Variants in BCL2L1 observed in about 807,000 individuals in gnomAD.
BCL2L1 encodes bcl-2-like protein 1.
BCL2L1 carries 1 observed loss-of-function variant against 18.7 expected under a neutral mutation model. The ratio of observed to expected loss-of-function variants is 0.05; its 90% CI spans 0.02 to 0.25. The LOEUF (loss-of-function observed/expected upper bound fraction) is 0.25. BCL2L1 is among the 10% of genes least tolerant of loss of function. The pLI, the probability that BCL2L1 is intolerant of heterozygous loss-of-function variation, is 1.00. For missense variants in BCL2L1, 207 were observed against 304.9 expected (o/e 0.68, Z 2.39); for synonymous variants, 103 against 122.7 (o/e 0.84, Z 1.06).
chr20:31,718,412 T>C (rs947441700), intron 2 of BCL2L1, among the ~76,000 whole-genome samples: 1 of 152,156 alleles, frequency 6.6e-6, no homozygotes, highest in Admixed American at 6.5e-5. Flanking sequence ...TCCCAGCATT[T>C]TGGGAGGCTG....
intron 2 of BCL2L1, among the ~76,000 whole-genome samples, chr20:31,698,535 C>T (rs1322580558): frequency 6.6e-6 from 1 of 151,796 alleles, no homozygotes; most frequent in South Asian, 2.1e-4. Flanking sequence ...TGGACCCAGT[C>T]GATTTTCCTT....
rs1021494448 is a variant in BCL2L1, at chr20:31,722,787, G to A, written c.-300C>T. 1 of 152,224 alleles carries A rather than the reference G, an allele frequency of 6.6e-6. No individual in the cohort carries two copies. The highest frequency in any genetic ancestry group is 2.4e-5 in the African/African-American group (1 of 41,450). The allele number at this position is 152,224 out of a possible 1,614,324, so 9.4% of individuals were successfully genotyped here. A position where few individuals can be genotyped will look rare whatever the true frequency, so the allele number is the denominator to read the frequency against. On this transcript the variant is annotated 5_prime_UTR_variant, in exon 1 of 3. Coordinates refer to ENST00000307677, the MANE Select transcript of BCL2L1 (RefSeq NM_138578.3). ...AGGGATCATGCGACCCGGCAGGCTG[G>A]GAGCCCAGAAGGCGACACAGGAATT...
intron 2 of BCL2L1, among the ~76,000 whole-genome samples, chr20:31,698,903 C>T (rs1161186106): frequency 2.0e-5 from 3 of 152,144 alleles, no homozygotes; most frequent in African/African-American, 4.8e-5. Context: ...AGTGTGGTGG[C>T]TGGTCTGCTC....
intron 2 of BCL2L1, among the ~76,000 whole-genome samples, chr20:31,681,305 T>C (rs1005290800): frequency 6.6e-6 from 1 of 152,190 alleles, no homozygotes; most frequent in African/African-American, 2.4e-5. Context: ...TTAGCCACAA[T>C]GGTGCCAGGG....
chr20:31,693,338 C>G (rs1340632196), intron 2 of BCL2L1, among the ~76,000 whole-genome samples: 1 of 151,604 alleles, frequency 6.6e-6, no homozygotes. Flanking sequence ...AAATTAGCTA[C>G]TTGGCAGGCT....
At chr20:31,697,821 G>A (rs1237301364) in intron 2 of BCL2L1, among the ~76,000 whole-genome samples, 1 of 151,900 alleles carries the variant, frequency 6.6e-6, no homozygotes, top group Non-Finnish European at 1.5e-5. Context: ...TAAAACTGTT[G>A]GGAGGATTAA....
rs1312423442 is a variant in BCL2L1 at position 31,703,708 on chromosome 20, T to TTCAC, written c.564+17946_564+17947insGTGA. On this transcript the variant is annotated intron_variant, in intron 2 of 2. Transcript: ENST00000307677. ...GGTTTCACTGTGTTGGCCAGGCTGGTCTGGAACTCCTGATCTCAGGTGATT... is the reference window on the plus strand; with the variant it reads ...GGTTTCACTGTGTTGGCCAGGCTGGTTCACCTGGAACTCCTGATCTCAGGTGATT... Among the ~76,000 whole-genome samples the TTCAC allele has an allele frequency of 2.8e-4, 43 of 152,024 alleles. 1 individual carries two copies. Among genetic ancestry groups the TTCAC allele is most frequent in the African/African-American group, 1.0e-3 (43 of 41,448 alleles).
At chr20:31,677,444 A>G (rs796255742) in intron 2 of BCL2L1, among the ~76,000 whole-genome samples, 6 of 152,324 alleles carry the variant, frequency 3.9e-5, no homozygotes, top group Middle Eastern at 6.8e-3. Flanking sequence ...TCGGCCCCCC[A>G]AAGTGCTGAG....
At chr20:31,694,840 CGGGA>C (rs2061142185) in intron 2 of BCL2L1, among the ~76,000 whole-genome samples, 1 of 151,950 alleles carries the variant, frequency 6.6e-6, no homozygotes, top group African/African-American at 2.4e-5. Context: ...AAGATAGAGG[CGGGA>C]GGATCACTTG....
chr20:31,703,956 C>T (rs1302136209), intron 2 of BCL2L1, among the ~76,000 whole-genome samples: 5 of 150,984 alleles, frequency 3.3e-5, no homozygotes, highest in Non-Finnish European at 5.9e-5. Flanking sequence ...CGCCACCACA[C>T]CTGGCTAATT....
chr20:31,681,846 A>G (rs1424700679), intron 2 of BCL2L1, among the ~76,000 whole-genome samples: 1 of 152,224 alleles, frequency 6.6e-6, no homozygotes, highest in East Asian at 1.9e-4. Flanking sequence ...TGCTGCTCTC[A>G]TGGAAGCAAA....
intron 2 of BCL2L1, among the ~76,000 whole-genome samples, chr20:31,704,237 G>A (rs556563906): frequency 6.6e-6 from 1 of 151,304 alleles, no homozygotes; most frequent in South Asian, 2.1e-4. Flanking sequence ...CTGAGTAGCT[G>A]GGATTACAGG....
rs984382419 is a variant in BCL2L1 at position 31,694,668 on chromosome 20, A to G, written c.564+26987T>C. ...TTTACCATATGCCAGGCATTGTCCT[A>G]AGCCCTTCATACAAATTACCCTCAT... On this transcript the variant is annotated intron_variant, in intron 2 of 2. Transcript: ENST00000307677. Among the ~76,000 whole-genome samples the G allele has an allele frequency of 3.3e-5, 5 of 152,148 alleles. 1 individual carries two copies. Among genetic ancestry groups the G allele is most frequent in the Admixed American group, 6.5e-5 (1 of 15,274 alleles).
rs528563107 is a variant in BCL2L1, at chr20:31,678,344, C to T, written c.565-12258G>A. ...TGTGGATTTTGTTTCCCAGTTCCAT[C>T]GCTGATTTGCAGGTGAGTCCTTTCC... On this transcript the variant is annotated intron_variant, in intron 2 of 2. Transcript: ENST00000307677. Among the ~76,000 whole-genome samples, 11 of 152,262 alleles carry T rather than the reference C, an allele frequency of 7.2e-5. No homozygotes were observed. The South Asian group carries it at 2.1e-3, about 29-fold the overall frequency.
At chr20:31,685,200 A>G (rs1369080926) in intron 2 of BCL2L1, among the ~76,000 whole-genome samples, 1 of 151,910 alleles carries the variant, frequency 6.6e-6, no homozygotes, top group African/African-American at 2.4e-5. Flanking sequence ...CAGGAGATCA[A>G]GACCATCCTG....
chr20:31,694,418 T>G (rs1205431707), intron 2 of BCL2L1, among the ~76,000 whole-genome samples: 1 of 152,030 alleles, frequency 6.6e-6, no homozygotes, highest in Non-Finnish European at 1.5e-5. Context: ...AGATTAGGTT[T>G]CTTGGGAAGG....
intron 2 of BCL2L1, among the ~76,000 whole-genome samples, chr20:31,721,226 A>G (rs1177359055): frequency 1.3e-5 from 2 of 152,132 alleles, no homozygotes; most frequent in African/African-American, 4.8e-5. Flanking sequence ...CCTTGGGGGG[A>G]ACAGATGGAG....
intron 2 of BCL2L1, among the ~76,000 whole-genome samples, chr20:31,696,552 G>A (rs917631106): frequency 1.3e-5 from 2 of 152,168 alleles, no homozygotes; most frequent in East Asian, 1.9e-4. Flanking sequence ...CACTGCTGGC[G>A]TACCAAGGTC....
intron 2 of BCL2L1, among the ~76,000 whole-genome samples, chr20:31,668,680 C>G (rs1600746102): frequency 6.6e-6 from 1 of 150,902 alleles, no homozygotes; most frequent in Non-Finnish European, 1.5e-5. Context: ...TCTCAGCTCA[C>G]TGCAACCTCC....
Sources: allele counts gnomAD v4.1 joint callset (sites outside exome capture counted in the v4.1 genomes callset), GRCh38; gene constraint gnomAD v4.1.1; transcripts MANE v1.5; gene names NCBI Gene and HGNC (gene_info 2026-07-23, HGNC 2026-07-21).